The following CNTNAP2 variants were observed in gnomAD, a reference collection of about 807,000 sequenced individuals.
CNTNAP2 encodes the protein contactin associated protein 2.
In CNTNAP2, 98 loss-of-function variants were observed where a neutral mutation model predicts 155.2. The ratio of observed to expected loss-of-function variants is 0.63; its 90% CI spans 0.54 to 0.75. The LOEUF is 0.75. Ranked by LOEUF, CNTNAP2 falls within the 30% of genes least tolerant of loss-of-function variation. The pLI, the probability that CNTNAP2 is intolerant of heterozygous loss-of-function variation, is 0.00. For missense variants in CNTNAP2, 1,727 were observed against 1,688.1 expected (o/e 1.02, Z -0.40); for synonymous variants, 651 against 631.2 (o/e 1.03, Z -0.47).
At chr7:146,222,541 AGTGT>A (rs10616515) in intron 1 of CNTNAP2, among the ~76,000 whole-genome samples, 84,106 of 147,158 alleles carry the variant, frequency 0.57, 24,662 homozygotes, top group East Asian at 0.73. Flanking sequence ...ACTAAAGCAT[AGTGT>A]GTGTGTGTGT....
At chr7:146,495,658 T>A (rs1250962753) in intron 1 of CNTNAP2, among the ~76,000 whole-genome samples, 1 of 151,234 alleles carries the variant, frequency 6.6e-6, no homozygotes. Context: ...TAGGGATAAA[T>A]GTATGCTTGG....
chr7:146,287,241 G>A (rs1254449820), intron 1 of CNTNAP2, among the ~76,000 whole-genome samples: 2 of 152,162 alleles, frequency 1.3e-5, no homozygotes, highest in East Asian at 3.9e-4. Context: ...TCATACTGCT[G>A]AAACTCACGT....
chr7:146,362,669 T>A (rs1438545340), intron 1 of CNTNAP2, among the ~76,000 whole-genome samples: 1 of 152,034 alleles, frequency 6.6e-6, no homozygotes, highest in Non-Finnish European at 1.5e-5. Flanking sequence ...GAAGCTGAAT[T>A]CTATTCTAAG....
chr7:146,994,349 GT>G (rs559302968), intron 3 of CNTNAP2, among the ~76,000 whole-genome samples: 143 of 152,042 alleles, frequency 9.4e-4, no homozygotes, highest in Middle Eastern at 6.8e-3. Flanking sequence ...GAGTGTTATT[GT>G]TCCTATTTTG....
At chr7:146,906,300 A>G (rs1010510113) in intron 3 of CNTNAP2, among the ~76,000 whole-genome samples, 11 of 152,344 alleles carry the variant, frequency 7.2e-5, no homozygotes, top group African/African-American at 2.6e-4. Flanking sequence ...GGAGCCCACC[A>G]CAGCTCAAGG....
At chr7:146,648,949 G>A (rs1384973651) in intron 1 of CNTNAP2, among the ~76,000 whole-genome samples, 1 of 152,042 alleles carries the variant, frequency 6.6e-6, no homozygotes. Flanking sequence ...GCGGACAGAT[G>A]ATGGGAAATA....
intron 14 of CNTNAP2, among the ~76,000 whole-genome samples, chr7:147,960,739 A>G (rs181491178): frequency 6.6e-6 from 1 of 152,152 alleles, no homozygotes; most frequent in East Asian, 1.9e-4. Flanking sequence ...TGTGGTGCCC[A>G]GGGACTCTCT....
chr7:147,292,501 C>T (rs143981251), intron 8 of CNTNAP2, among the ~76,000 whole-genome samples: 50 of 152,160 alleles, frequency 3.3e-4, no homozygotes, highest in African/African-American at 1.2e-3. Flanking sequence ...TCATCTCATG[C>T]ATTTCTACAA....
chr7:146,307,506 G>A (rs1355919384), intron 1 of CNTNAP2, among the ~76,000 whole-genome samples: 1 of 152,076 alleles, frequency 6.6e-6, no homozygotes, highest in Non-Finnish European at 1.5e-5. Flanking sequence ...AACCAAAAAA[G>A]AGTCAGCATT....
chr7:147,668,963 T>C (rs937724423), intron 13 of CNTNAP2, among the ~76,000 whole-genome samples: 9 of 152,150 alleles, frequency 5.9e-5, no homozygotes, highest in African/African-American at 2.2e-4. Flanking sequence ...GTGTGCTTTT[T>C]TTTTATCTTT....
At chr7:148,067,890 G>A (rs187559344) in intron 15 of CNTNAP2, among the ~76,000 whole-genome samples, 1 of 152,306 alleles carries the variant, frequency 6.6e-6, no homozygotes, top group East Asian at 1.9e-4. Context: ...GGGGATTATG[G>A]CTGCTCTGCA....
chr7:147,354,768 G>A (rs1005424950), intron 9 of CNTNAP2, among the ~76,000 whole-genome samples: 2 of 152,112 alleles, frequency 1.3e-5, no homozygotes, highest in African/African-American at 4.8e-5. Context: ...CTGTGCATGA[G>A]CATGGACTGT....
intron 2 of CNTNAP2, among the ~76,000 whole-genome samples, chr7:146,834,150 A>G (rs1478974004): frequency 6.6e-6 from 1 of 152,108 alleles, no homozygotes; most frequent in Non-Finnish European, 1.5e-5. Context: ...TGTTAAAACC[A>G]CCAACTTGAG....
chr7:146,683,491 T>C (rs1473385323), intron 1 of CNTNAP2, among the ~76,000 whole-genome samples: 1 of 152,354 alleles, frequency 6.6e-6, no homozygotes. Flanking sequence ...GAAGACCAGA[T>C]GAACTCAAAC....
chr7:147,199,154 G>A (rs1301437613), intron 8 of CNTNAP2, among the ~76,000 whole-genome samples: 1 of 151,854 alleles, frequency 6.6e-6, no homozygotes, highest in Non-Finnish European at 1.5e-5. Context: ...TAGAGATGGA[G>A]TTTCACTGCA....
At position 148,366,146 on chromosome 7, in the gene CNTNAP2, A is replaced by G. The variant is rs200209505; in HGVS notation, c.3476-17503A>G. On this transcript the variant is annotated intron_variant, in intron 21 of 23. Transcript: ENST00000361727. ...TGTATGCATGTATGCATGTATGTGT[A>G]TGCATGTATGCATGTATGTGTGTGC... is the stretch of plus-strand genomic sequence containing the variant. Among the ~76,000 whole-genome samples, 5 of 21,490 alleles carry G rather than the reference A, an allele frequency of 2.3e-4. 1 individual carries two copies. Among genetic ancestry groups the G allele is most frequent in the African/African-American group, 1.1e-3 (5 of 4,516 alleles). The allele number at this position is 21,490 out of a possible 152,430, so 14.1% of individuals were successfully genotyped here.
At chr7:147,520,583 G>A (rs1212324853) in intron 11 of CNTNAP2, among the ~76,000 whole-genome samples, 2 of 152,190 alleles carry the variant, frequency 1.3e-5, no homozygotes, top group Non-Finnish European at 2.9e-5. Context: ...TTCCGTGGAG[G>A]AGGAACACAG....
intron 1 of CNTNAP2, among the ~76,000 whole-genome samples, chr7:146,585,564 T>C (rs943271251): frequency 2.0e-5 from 3 of 152,138 alleles, no homozygotes; most frequent in African/African-American, 7.2e-5. Flanking sequence ...TAATTTCCTA[T>C]ATATGACTTT....
At chr7:147,602,734 G>A (rs1424781207) in intron 12 of CNTNAP2, among the ~76,000 whole-genome samples, 3 of 151,554 alleles carry the variant, frequency 2.0e-5, no homozygotes, top group Non-Finnish European at 2.9e-5. Flanking sequence ...GTGAGAATGC[G>A]CAGTGCTTGG....
Sources: allele counts gnomAD v4.1 joint callset (sites outside exome capture counted in the v4.1 genomes callset), GRCh38; gene constraint gnomAD v4.1.1; transcripts MANE v1.5; gene names NCBI Gene and HGNC (gene_info 2026-07-23, HGNC 2026-07-21).